Variants in MTUS2 observed in about 807,000 individuals in gnomAD.
MTUS2 encodes microtubule associated scaffold protein 2.
Under a neutral mutation model 114.1 loss-of-function variants are expected in MTUS2, and 40 were observed. The ratio of observed to expected loss-of-function variants is 0.35; its 90% CI spans 0.27 to 0.46. The LOEUF is 0.46. Among genes scored for constraint, MTUS2 ranks in the 20% least tolerant of loss-of-function variants. The probability of loss-of-function intolerance (pLI) is 1.00; values close to 1 mark genes in which losing one functional copy is unlikely to be tolerated. For missense variants in MTUS2, 1,679 were observed against 1,705.4 expected (o/e 0.98, Z 0.27); for synonymous variants, 688 against 672.0 (o/e 1.02, Z -0.37).
At chr13:29,269,886 G>T (rs1167890016) in intron 5 of MTUS2, among the ~76,000 whole-genome samples, 2 of 152,136 alleles carry the variant, frequency 1.3e-5, no homozygotes, top group South Asian at 2.1e-4. Context: ...AAAAAGAAGA[G>T]AAATCTGCCA....
Position 29,024,745 on chromosome 13 carries a change from G to C in MTUS2, c.47G>C (p.Arg16Pro), listed in dbSNP as rs764262725. 4 of 1,613,960 alleles carry C rather than the reference G, an allele frequency of 2.5e-6. No individual in the cohort carries two copies. The highest frequency in any genetic ancestry group is 3.4e-6 in the Non-Finnish European group (4 of 1,179,886). The stretch of plus-strand genomic sequence containing the variant: ...AAGAAATCATGTTACACTCAGTTGC[G>C]GGACAACAGAAATGCAGCAAGAAAT... The part of the protein sequence containing the change: ...APKKSCYTQL[R>P]DNRNAARNNN... Residue 16 changes from arginine (R) to proline (P), a missense_variant, in exon 3 of 16, where the codon CGG becomes CCG. Arg to Pro is a moderately radical substitution (Grantham distance 103, BLOSUM62 -2). Transcript: ENST00000612955.
At chr13:29,468,565 G>T (rs1398525330) in intron 9 of MTUS2, among the ~76,000 whole-genome samples, 1 of 150,340 alleles carries the variant, frequency 6.7e-6, no homozygotes, top group African/African-American at 2.5e-5. Context: ...CCGGTGACAG[G>T]GTGAGACCCT....
At chr13:29,265,706 T>C (rs777735531) in intron 5 of MTUS2, among the ~76,000 whole-genome samples, 1 of 152,164 alleles carries the variant, frequency 6.6e-6, no homozygotes, top group Non-Finnish European at 1.5e-5. Flanking sequence ...GCAGGAACCT[T>C]ACATGGCAAA....
chr13:29,492,988 C>G (rs1298861600), intron 12 of MTUS2, among the ~76,000 whole-genome samples: 1 of 152,182 alleles, frequency 6.6e-6, no homozygotes, highest in Non-Finnish European at 1.5e-5. Context: ...AGAGAGATTA[C>G]TCTGCACTTG....
intron 5 of MTUS2, among the ~76,000 whole-genome samples, chr13:29,196,197 A>G (rs181108594): frequency 6.6e-6 from 1 of 151,884 alleles, no homozygotes; most frequent in East Asian, 1.9e-4. Flanking sequence ...GCTGGGTTCA[A>G]GCAATTCTCC....
At chr13:29,138,193 A>G (rs1192598821) in intron 5 of MTUS2, among the ~76,000 whole-genome samples, 2 of 152,202 alleles carry the variant, frequency 1.3e-5, no homozygotes, top group African/African-American at 4.8e-5. Flanking sequence ...GGGGATGGGT[A>G]GCTGCTCCTT....
chr13:28,857,725 T>C (rs1226385440), intron 2 of MTUS2, among the ~76,000 whole-genome samples: 1 of 152,214 alleles, frequency 6.6e-6, no homozygotes, highest in Non-Finnish European at 1.5e-5. Flanking sequence ...AATCAGAATA[T>C]AAACAAATCA....
intron 5 of MTUS2, among the ~76,000 whole-genome samples, chr13:29,263,220 C>A (rs1897542099): frequency 6.6e-6 from 1 of 152,114 alleles, no homozygotes; most frequent in Non-Finnish European, 1.5e-5. Context: ...TAGTAGGAAT[C>A]CAGTAAGTTC....
At chr13:29,236,774 G>C (rs912869354) in intron 5 of MTUS2, among the ~76,000 whole-genome samples, 1 of 152,178 alleles carries the variant, frequency 6.6e-6, no homozygotes, top group Non-Finnish European at 1.5e-5. Flanking sequence ...TTCCATGCAG[G>C]AACAGGTGCT....
intron 5 of MTUS2, among the ~76,000 whole-genome samples, chr13:29,237,637 G>A (rs991203334): frequency 1.3e-5 from 2 of 152,020 alleles, no homozygotes; most frequent in Non-Finnish European, 2.9e-5. Context: ...TTCTACTCTG[G>A]GATTACTTCT....
At chr13:29,202,788 T>G (rs996949157) in intron 5 of MTUS2, among the ~76,000 whole-genome samples, 1 of 152,228 alleles carries the variant, frequency 6.6e-6, no homozygotes, top group Non-Finnish European at 1.5e-5. Flanking sequence ...TGCTAGAGTT[T>G]GCTGGAGATC....
At chr13:29,384,931 C>T (rs1203261035) in intron 8 of MTUS2, among the ~76,000 whole-genome samples, 2 of 152,208 alleles carry the variant, frequency 1.3e-5, no homozygotes, top group African/African-American at 4.8e-5. Context: ...TTGAAAAGTA[C>T]AGTTGTGAGG....
At chr13:28,829,968 G>C (rs1235782039) in intron 1 of MTUS2, among the ~76,000 whole-genome samples, 1 of 152,118 alleles carries the variant, frequency 6.6e-6, no homozygotes, top group Non-Finnish European at 1.5e-5. Context: ...AGAAGACTAA[G>C]AGTTGTAAAC....
intron 9 of MTUS2, among the ~76,000 whole-genome samples, chr13:29,477,721 T>C (rs1172763355): frequency 6.6e-6 from 1 of 152,152 alleles, no homozygotes; most frequent in African/African-American, 2.4e-5. Context: ...TCCATCTCTT[T>C]GTTCCTTAGA....
At chr13:29,075,327 T>A (rs1413918097) in intron 4 of MTUS2, among the ~76,000 whole-genome samples, 1 of 152,198 alleles carries the variant, frequency 6.6e-6, no homozygotes, top group African/African-American at 2.4e-5. Context: ...TAAGTGATTT[T>A]TCATGGCTCT....
chr13:28,955,960 G>A (rs1566250248), intron 2 of MTUS2, among the ~76,000 whole-genome samples: 1 of 151,452 alleles, frequency 6.6e-6, no homozygotes, highest in Admixed American at 6.6e-5. Context: ...ATTTGGTTAT[G>A]TGAGTGAGTT....
At chr13:28,902,006 T>G (rs969562730) in intron 2 of MTUS2, among the ~76,000 whole-genome samples, 3 of 152,196 alleles carry the variant, frequency 2.0e-5, no homozygotes, top group Non-Finnish European at 4.4e-5. Context: ...CTTTGATTTC[T>G]TTTATCAGAA....
At position 29,389,764 on chromosome 13, in the gene MTUS2, TGTATATAC is replaced by T. The variant is rs1388509021; in HGVS notation, c.3117+30292_3117+30299del. On this transcript the variant is annotated intron_variant, in intron 8 of 15. Transcript: ENST00000612955. ...GTATATACATACATATGTGTGTATA[TGTATATAC>T]ATACATATGTGTGTATATGTATATA... 6.2e-4 allele frequency among the ~76,000 whole-genome samples: 2 copies of T among 3,228 alleles called. 1 individual carries two copies. Among genetic ancestry groups the T allele is most frequent in the East Asian group, 0.091 (2 of 22 alleles). The allele number at this position is 3,228 out of a possible 152,430, so 2.1% of individuals were successfully genotyped here. A position where few individuals can be genotyped will look rare whatever the true frequency, so the allele number is the denominator to read the frequency against.
In MTUS2 at chr13:29,099,850, G is replaced by A. The variant is rs146728970; in HGVS notation, c.2447-923G>A. On this transcript the variant is annotated intron_variant, in intron 4 of 15. Transcript: ENST00000612955. ...ATTGTGATTCTCTCTGGTGCTGAGC[G>A]CCTTCTCATAGTGTTGTGATAATCA... Among the ~76,000 whole-genome samples the A allele has an allele frequency of 2.6e-3, 402 of 152,248 alleles. 1 individual carries two copies. The highest frequency in any genetic ancestry group is 0.014 in the Middle Eastern group (4 of 294).
Sources: allele counts gnomAD v4.1 joint callset (sites outside exome capture counted in the v4.1 genomes callset), GRCh38; gene constraint gnomAD v4.1.1; transcripts MANE v1.5; gene names NCBI Gene and HGNC (gene_info 2026-07-23, HGNC 2026-07-21).